RNF212: variants seen among roughly 807,000 people sequenced by gnomAD.
RNF212 encodes probable E3 SUMO-protein ligase RNF212.
In RNF212, 33 loss-of-function variants were observed where a neutral mutation model predicts 34.7. The ratio of observed to expected loss-of-function variants is 0.95; its 90% CI spans 0.72 to 1.27. RNF212 has a LOEUF of 1.27. Among genes scored for constraint, RNF212 ranks in the 50% most tolerant of loss-of-function variants. The pLI is 0.00. For missense variants in RNF212, 377 were observed against 362.2 expected (o/e 1.04, Z -0.33); for synonymous variants, 140 against 136.1 (o/e 1.03, Z -0.20).
intron 5 of RNF212, among the ~76,000 whole-genome samples, chr4:1,084,535 G>C (rs1720866874): frequency 1.3e-5 from 2 of 151,876 alleles, no homozygotes; most frequent in African/African-American, 4.8e-5. Context: ...TCCAAGACTA[G>C]CCTGGGTAAC....
chr4:1,110,854 T>C lies in RNF212; in HGVS notation c.110-2450A>G, dbSNP rs200676613. On this transcript the variant is annotated intron_variant, in intron 1 of 9. Transcript: ENST00000433731. The stretch of plus-strand genomic sequence containing the variant: ...TTTGGTGTGGTCCCGACATGCAGCA[T>C]CTGTGGCTTTTTGGAGGAATGCACT... Among the ~76,000 whole-genome samples the C allele has an allele frequency of 1.2e-4, 19 of 152,268 alleles. No homozygotes were observed. The East Asian group carries it at 3.5e-3, about 28-fold the overall frequency.
chr4:1,074,080 T>C (rs1397244483), intron 8 of RNF212, among the ~76,000 whole-genome samples: 1 of 152,220 alleles, frequency 6.6e-6, no homozygotes. Flanking sequence ...TGCTCAGAGC[T>C]GTGTGTGCTG....
chr4:1,090,770 A>C lies in RNF212; in HGVS notation c.303+12T>G. On this transcript the variant is annotated intron_variant, in intron 4 of 9. Coordinates refer to ENST00000433731, the MANE Select transcript of RNF212 (RefSeq NM_001131034.4). ...AAAAAAATTCAAGTGGCAATGAATC[A>C]ATTCCACTTACCTTTTCTCTATAGA... is the stretch of plus-strand genomic sequence containing the variant. 6.7e-7 allele frequency: 1 copy of C among 1,484,060 alleles called. No homozygotes were observed. Among genetic ancestry groups the C allele is most frequent in the Admixed American group, 1.7e-5 (1 of 58,036 alleles). The allele number at this position is 1,484,060 out of a possible 1,614,324, so 91.9% of individuals were successfully genotyped here. A position where few individuals can be genotyped will look rare whatever the true frequency, so the allele number is the denominator to read the frequency against.
intron 4 of RNF212, among the ~76,000 whole-genome samples, chr4:1,057,623 A>G (rs563602264): frequency 6.8e-4 from 103 of 152,204 alleles, no homozygotes; most frequent in Middle Eastern, 6.8e-3. Flanking sequence ...TGCCCCAAAA[A>G]CCAAACATAT....
rs191205405 is a variant in RNF212, at chr4:1,105,085, G to C, written c.171+3258C>G. Among the ~76,000 whole-genome samples the C allele has an allele frequency of 7.6e-4, 116 of 152,276 alleles. 1 individual carries two copies. The highest frequency in any genetic ancestry group is 3.5e-4 in the Non-Finnish European group (24 of 68,030). On this transcript the variant is annotated intron_variant, in intron 2 of 9. Transcript: ENST00000433731. ...CAGAAGTGCTGCCTCAGCTTTCAGG[G>C]CCTTCACCCTCAAGACTTATCTCTT...
intron 3 of RNF212, chr4:1,093,400 G>A (rs1435572044): frequency 1.1e-5 from 15 of 1,397,800 alleles, no homozygotes; most frequent in South Asian, 3.3e-5. Flanking sequence ...TTTATGTTAC[G>A]TTGATATTAG....
upstream of RNF212, chr4:1,113,659 G>T: frequency 2.1e-6 from 1 of 480,098 alleles, no homozygotes. Flanking sequence ...CTGGGAGGGC[G>T]CGTGTGACTC....
Position 1,064,756 on chromosome 4 carries a change from C to T in RNF212, n.148-6363G>A, listed in dbSNP as rs138292229. Among the ~76,000 whole-genome samples, 1,058 of 152,322 alleles carry T rather than the reference C, an allele frequency of 6.9e-3. 5 individuals are homozygous for T. Among genetic ancestry groups the T allele is most frequent in the Middle Eastern group, 0.027 (8 of 294 alleles). On this transcript the variant is annotated intron_variant and non_coding_transcript_variant, in intron 3 of 4. Transcript: ENST00000503206. ...CACCACCCATCTCTATAACTGTTTTCATTTTGTGAAACTGAAATTTTGTGA... is the reference window on the plus strand; with the variant it reads ...CACCACCCATCTCTATAACTGTTTTTATTTTGTGAAACTGAAATTTTGTGA...
chr4:1,076,650 G>A (rs1015694816), intron 8 of RNF212, among the ~76,000 whole-genome samples: 2 of 152,210 alleles, frequency 1.3e-5, no homozygotes, highest in African/African-American at 4.8e-5. Flanking sequence ...CAGGGAGGAC[G>A]GGAGCTCTTT....
intron 3 of RNF212, among the ~76,000 whole-genome samples, chr4:1,066,244 A>G (rs932960143): frequency 6.6e-5 from 10 of 152,024 alleles, no homozygotes; most frequent in African/African-American, 2.4e-4. Context: ...TTTGATTTGC[A>G]TTTCTCTAAC....
At chr4:1,065,167 T>G (rs1167406416) in intron 3 of RNF212, among the ~76,000 whole-genome samples, 1 of 152,230 alleles carries the variant, frequency 6.6e-6, no homozygotes, top group African/African-American at 2.4e-5. Flanking sequence ...AAATGCAGCA[T>G]CATCTGGGAA....
chr4:1,078,580 C>G (rs1414197780), intron 8 of RNF212, among the ~76,000 whole-genome samples: 1 of 152,218 alleles, frequency 6.6e-6, no homozygotes, highest in Non-Finnish European at 1.5e-5. Flanking sequence ...CCTGGGCTGA[C>G]AAAGTTTACT....
intron 2 of RNF212, among the ~76,000 whole-genome samples, chr4:1,097,854 CAGG>C (rs1415414554): frequency 6.6e-6 from 1 of 152,212 alleles, no homozygotes; most frequent in Non-Finnish European, 1.5e-5. Flanking sequence ...CGCTTGAGGT[CAGG>C]AGTTTAAGAC....
At position 1,072,000 on chromosome 4, in the gene RNF212, A is replaced by T. The variant is rs781248635; in HGVS notation, c.*874T>A. 9 of 152,272 alleles carry T rather than the reference A, an allele frequency of 5.9e-5. No individual in the cohort carries two copies. The highest frequency in any genetic ancestry group is 2.6e-4 in the Admixed American group (4 of 15,292). The allele number at this position is 152,272 out of a possible 1,614,324, so 9.4% of individuals were successfully genotyped here. A position where few individuals can be genotyped will look rare whatever the true frequency, so the allele number is the denominator to read the frequency against. The stretch of plus-strand genomic sequence containing the variant: ...ATAGCAGCTTAATTCATAATTGCCA[A>T]AACTTGGAAGCAACCAAGATGCCCT... On this transcript the variant is annotated 3_prime_UTR_variant, in exon 10 of 10. Transcript: ENST00000433731.
chr4:1,102,594 CAA>C (rs34624517), intron 2 of RNF212, among the ~76,000 whole-genome samples: 5 of 150,596 alleles, frequency 3.3e-5, no homozygotes, highest in African/African-American at 4.9e-5. Context: ...CACAAAAAAA[CAA>C]AAAAAAAACA....
chr4:1,063,843 C>T (rs1717912104), intron 3 of RNF212, among the ~76,000 whole-genome samples: 2 of 151,050 alleles, frequency 1.3e-5, no homozygotes, highest in South Asian at 4.2e-4. Flanking sequence ...CACTGCACTC[C>T]AGCCTGGGTG....
At chr4:1,111,773 G>C (rs1359413530) in intron 1 of RNF212, among the ~76,000 whole-genome samples, 1 of 152,048 alleles carries the variant, frequency 6.6e-6, no homozygotes, top group South Asian at 2.1e-4. Flanking sequence ...TAAGATCACC[G>C]AAGACAGGAG....
At chr4:1,073,689 G>C (rs1560101013) in intron 8 of RNF212, 27 bp from the exon 9 acceptor site, 2 of 1,553,228 alleles carry the variant, frequency 1.3e-6, no homozygotes, top group South Asian at 1.1e-5. Context: ...AAAACAATGG[G>C]TAAAATTCCA....
intron 3 of RNF212, chr4:1,094,084 GACC>G (rs1722661290): frequency 7.1e-7 from 1 of 1,411,286 alleles, no homozygotes; most frequent in Non-Finnish European, 9.3e-7. Context: ...GGACCTGGCT[GACC>G]ACAGCCTGAA....
Sources: allele counts gnomAD v4.1 joint callset (sites outside exome capture counted in the v4.1 genomes callset), GRCh38; gene constraint gnomAD v4.1.1; transcripts MANE v1.5; gene names NCBI Gene and HGNC (gene_info 2026-07-23, HGNC 2026-07-21).